Variants in CFAP47 observed in about 807,000 individuals in gnomAD.
CFAP47 encodes cilia- and flagella-associated protein 47.
A neutral mutation model predicts 148.1 loss-of-function variants in CFAP47; 29 were observed. That is an observed-to-expected ratio of 0.20 (90% CI 0.15 to 0.27). The LOEUF (loss-of-function observed/expected upper bound fraction) is 0.27. Among genes scored for constraint, CFAP47 ranks in the 10% least tolerant of loss-of-function variants. The probability of loss-of-function intolerance (pLI) is 1.00; values close to 1 mark genes in which losing one functional copy is unlikely to be tolerated. For synonymous variants in CFAP47, 664 were observed against 577.3 expected, an observed-to-expected ratio of 1.15 and a Z score of -2.15; for missense variants, 1,872 against 1,697.5, an observed-to-expected ratio of 1.10 and a Z score of -1.81.
intron 29 of CFAP47, among the ~76,000 whole-genome samples, chrX:36,073,612 A>T (rs1268356565): frequency 9.0e-6 from 1 of 110,852 alleles, no homozygotes; most frequent in Non-Finnish European, 1.9e-5. Context: ...AGCACTGAAC[A>T]TCTCTGAACC....
chrX:36,017,381 T>A (rs1037334226), intron 22 of CFAP47, among the ~76,000 whole-genome samples: 1 of 112,059 alleles, frequency 8.9e-6, no homozygotes, highest in African/African-American at 3.2e-5. Context: ...ACAGAAGCTT[T>A]TTAAATTTGA....
chrX:36,039,200 TACC>T (rs924959943), intron 25 of CFAP47, 21 bp downstream of exon 25: 1 of 858,185 alleles, frequency 1.2e-6, no homozygotes, highest in Non-Finnish European at 1.6e-6. Flanking sequence ...AATGTGAATT[TACC>T]ACATTTTCTT....
At chrX:36,267,073 A>G (rs1481388172) in intron 49 of CFAP47, among the ~76,000 whole-genome samples, 2 of 112,263 alleles carry the variant, frequency 1.8e-5, no homozygotes, top group Non-Finnish European at 3.8e-5. Context: ...AGTCTTTGAC[A>G]TTGAAAGAAA....
chrX:36,353,134 A>G (rs1055809694), intron 59 of CFAP47, among the ~76,000 whole-genome samples: 7 of 110,938 alleles, frequency 6.3e-5, no homozygotes, highest in Non-Finnish European at 1.3e-4. Context: ...TTATAAAAGT[A>G]AAGTTTAGTA....
At chrX:36,177,519 G>T (rs181448740) in intron 39 of CFAP47, among the ~76,000 whole-genome samples, 1 of 111,979 alleles carries the variant, frequency 8.9e-6, no homozygotes, top group African/African-American at 3.2e-5. Context: ...CTCTGGAGAG[G>T]AATTCTTCTT....
At chrX:36,112,430 C>T (rs1422411905) in intron 33 of CFAP47, among the ~76,000 whole-genome samples, 1 of 111,479 alleles carries the variant, frequency 9.0e-6, no homozygotes, top group Non-Finnish European at 1.9e-5. Context: ...ATTTTTAAGT[C>T]TTGATTTCTA....
chrX:36,107,796 C>T (rs1938490116), intron 33 of CFAP47, among the ~76,000 whole-genome samples: 1 of 111,203 alleles, frequency 9.0e-6, no homozygotes, highest in Non-Finnish European at 1.9e-5. Context: ...TTTCTTTTTG[C>T]CACATTACTT....
At chrX:36,204,437 G>A (rs1006470915) in intron 44 of CFAP47, among the ~76,000 whole-genome samples, 5 of 109,924 alleles carry the variant, frequency 4.5e-5, no homozygotes, top group Non-Finnish European at 7.6e-5. Flanking sequence ...TGTGGGGTTG[G>A]GGGAGGGGGA....
rs1348507253 is a variant in CFAP47 at position 36,350,142 on chromosome X, C to T, written c.8698+10C>T. The T allele has an allele frequency of 4.6e-5, 48 of 1,032,899 alleles. No homozygotes were observed. Among genetic ancestry groups the T allele is most frequent in the Non-Finnish European group, 6.1e-5 (46 of 754,638 alleles). The allele number at this position is 1,032,899 out of a possible 1,213,427, so 85.1% of individuals were successfully genotyped here. ...CCTAAATCTCCCCCAGGTAGGTATA[C>T]ATTAGGGTCAGAGAATGCCAGAATT... On this transcript the variant is annotated intron_variant, in intron 59 of 63. Transcript: ENST00000378653.
chrX:36,007,851 A>G (rs983697082), intron 21 of CFAP47, among the ~76,000 whole-genome samples: 2 of 111,760 alleles, frequency 1.8e-5, no homozygotes, highest in African/African-American at 6.5e-5. Context: ...GAAAAATTGT[A>G]TGTTTCAGGA....
Position 36,311,003 on chromosome X carries a change from C to T in CFAP47, c.8344+14C>T. On this transcript the variant is annotated intron_variant, in intron 56 of 63. Coordinates refer to ENST00000378653, the MANE Select transcript of CFAP47 (RefSeq NM_001304548.2). ...TAATACTGACAAGTAAGTTGTTTTTCTTATATTTTACATGTTATTTTATAG... is the reference window on the plus strand; with the variant it reads ...TAATACTGACAAGTAAGTTGTTTTTTTTATATTTTACATGTTATTTTATAG... The T allele has an allele frequency of 1.0e-6, 1 of 986,181 alleles. No homozygotes were observed. Among genetic ancestry groups the T allele is most frequent in the Non-Finnish European group, 1.3e-6 (1 of 748,617 alleles). The allele number at this position is 986,181 out of a possible 1,213,427, so 81.3% of individuals were successfully genotyped here. A position where few individuals can be genotyped will look rare whatever the true frequency, so the allele number is the denominator to read the frequency against.
intron 48 of CFAP47, among the ~76,000 whole-genome samples, chrX:36,238,719 C>G (rs1940504158): frequency 8.9e-6 from 1 of 111,826 alleles, no homozygotes; most frequent in African/African-American, 3.3e-5. Flanking sequence ...CTTATCTGGT[C>G]CGTTTATTCC....
chrX:36,014,563 G>C (rs1489750752), intron 21 of CFAP47, among the ~76,000 whole-genome samples: 2 of 110,234 alleles, frequency 1.8e-5, no homozygotes, highest in Non-Finnish European at 3.8e-5. Flanking sequence ...GAATGAATAA[G>C]AATTATTTTA....
chrX:36,056,110 T>C (rs1007338471), intron 26 of CFAP47, among the ~76,000 whole-genome samples: 7 of 111,903 alleles, frequency 6.3e-5, no homozygotes, highest in African/African-American at 2.3e-4. Context: ...CTGTAGGTTG[T>C]CTGCTCATTC....
At chrX:35,951,063 G>A in intron 4 of CFAP47, 68 bp from the exon 5 acceptor site, 1 of 777,394 alleles carries the variant, frequency 1.3e-6, no homozygotes, top group African/African-American at 2.1e-5. Context: ...AAATGTGTGG[G>A]AGAAAAACAA....
chrX:36,229,803 TC>T lies in CFAP47; in HGVS notation c.7014+981del, dbSNP rs1300523358. Among the ~76,000 whole-genome samples the T allele has an allele frequency of 1.0e-4, 9 of 87,114 alleles. No individual in the cohort carries two copies. In the East Asian group the frequency reaches 3.9e-3, roughly 38 times the overall value. 75.6% of individuals were successfully genotyped at this position (87,114 alleles called of 115,157 possible). On this transcript the variant is annotated intron_variant, in intron 46 of 63. Coordinates refer to ENST00000378653, the MANE Select transcript of CFAP47 (RefSeq NM_001304548.2). The stretch of plus-strand genomic sequence containing the variant: ...AGTCCCCAGAGTGTGATGTTCCCCT[TC>T]CTTTGTCCATGTGTTCTCATTGTTC...
At chrX:36,163,670 C>T (rs190008599) in intron 39 of CFAP47, among the ~76,000 whole-genome samples, 325 of 111,304 alleles carry the variant, frequency 2.9e-3, no homozygotes, top group African/African-American at 0.01. Context: ...AGTGCAATGG[C>T]GTGATCTCGG....
chrX:36,288,902 A>G (rs1370537934), intron 51 of CFAP47, among the ~76,000 whole-genome samples: 1 of 109,263 alleles, frequency 9.2e-6, no homozygotes, highest in Non-Finnish European at 1.9e-5. Flanking sequence ...AACACATGTG[A>G]GTTGCCAACC....
At chrX:36,176,766 A>G (rs1383397722) in intron 39 of CFAP47, among the ~76,000 whole-genome samples, 1 of 111,768 alleles carries the variant, frequency 8.9e-6, no homozygotes, top group Non-Finnish European at 1.9e-5. Context: ...TTAGCCGCGC[A>G]TGGTGGCATG....
Sources: allele counts gnomAD v4.1 joint callset (sites outside exome capture counted in the v4.1 genomes callset), GRCh38; gene constraint gnomAD v4.1.1; transcripts MANE v1.5; gene names NCBI Gene and HGNC (gene_info 2026-07-23, HGNC 2026-07-21).